Variants in ARID1B observed in about 807,000 individuals in gnomAD.
ARID1B encodes the protein AT-rich interaction domain 1B.
ARID1B carries 30 observed loss-of-function variants against 212.3 expected under a neutral mutation model. The observed-to-expected ratio is 0.14, with a 90% CI of 0.11 to 0.19. The LOEUF (loss-of-function observed/expected upper bound fraction) is 0.19, where lower values mean the gene tolerates loss of function less well. Among genes scored for constraint, ARID1B ranks in the 10% least tolerant of loss-of-function variants. The probability of loss-of-function intolerance (pLI) is 1.00; values close to 1 mark genes in which losing one functional copy is unlikely to be tolerated. For synonymous variants in ARID1B, 1,402 were observed against 1,301.7 expected, an observed-to-expected ratio of 1.08 and a Z score of -1.66; for missense variants, 2,891 against 3,204.0, an observed-to-expected ratio of 0.90 and a Z score of 2.36.
chr6:156,890,486 G>A (rs1787842552), intron 2 of ARID1B, among the ~76,000 whole-genome samples: 1 of 152,274 alleles, frequency 6.6e-6, no homozygotes, highest in East Asian at 1.9e-4. Flanking sequence ...TAAGCTAATG[G>A]GGAGGGTTAA....
At position 156,911,265 on chromosome 6, in the gene ARID1B, A is replaced by G. The variant is rs73576019; in HGVS notation, c.2136+9740A>G. ...TTGTTTCTGGAAAATTTATTATGTC[A>G]TAAGATGATTTTAAGAACACCTTGT... is the stretch of plus-strand genomic sequence containing the variant. On this transcript the variant is annotated intron_variant, in intron 3 of 19. Transcript: ENST00000636930. 7.2e-3 allele frequency among the ~76,000 whole-genome samples: 1,093 copies of G among 151,760 alleles called. 15 individuals are homozygous for G. The highest frequency in any genetic ancestry group is 0.024 in the African/African-American group (1,014 of 41,398).
chr6:157,067,457 A>C (rs1039352134), intron 4 of ARID1B, among the ~76,000 whole-genome samples: 3 of 152,342 alleles, frequency 2.0e-5, no homozygotes, highest in Middle Eastern at 3.4e-3. Context: ...AGAATGGGGT[A>C]CAGTTTCCTT....
rs561357305 is a variant in ARID1B, at chr6:157,182,442, C to T, written c.3714+1264C>T. ...AGCTGTCAGTACCTGGGCTACCACC[C>T]GACATCAATGAAATGAAACCTTCTG... On this transcript the variant is annotated intron_variant, in intron 12 of 19. Coordinates refer to ENST00000636930, the MANE Select transcript of ARID1B (RefSeq NM_001374828.1). Among the ~76,000 whole-genome samples, 9 of 152,228 alleles carry T rather than the reference C, an allele frequency of 5.9e-5. 1 individual carries two copies. The South Asian group carries it at 1.7e-3, about 28-fold the overall frequency.
At chr6:157,071,507 G>C (rs1356251545) in intron 4 of ARID1B, 2 of 151,636 alleles carry the variant, frequency 1.3e-5, no homozygotes, top group African/African-American at 4.8e-5. Context: ...TCTTTGAAAG[G>C]AAAAAAAATA....
At chr6:156,978,738 G>A (rs77669356) in intron 4 of ARID1B, among the ~76,000 whole-genome samples, 2,946 of 152,270 alleles carry the variant, frequency 0.019, 82 homozygotes, top group African/African-American at 0.065. Context: ...TGATTCAAAA[G>A]AGAATATAAT....
chr6:156,875,691 C>T (rs1786490299), intron 2 of ARID1B, among the ~76,000 whole-genome samples: 1 of 152,146 alleles, frequency 6.6e-6, no homozygotes, highest in Non-Finnish European at 1.5e-5. Flanking sequence ...ATGAGTTCCT[C>T]AGGAAAGAAG....
At chr6:157,039,642 C>CTTCT (rs879854593) in intron 4 of ARID1B, among the ~76,000 whole-genome samples, 3 of 122,576 alleles carry the variant, frequency 2.4e-5, no homozygotes, top group African/African-American at 1.0e-4. Context: ...TCCTTCCTTC[C>CTTCT]TTCTTTCCTT....
At chr6:157,112,328 T>C (rs191588640) in intron 6 of ARID1B, among the ~76,000 whole-genome samples, 7 of 152,262 alleles carry the variant, frequency 4.6e-5, no homozygotes, top group South Asian at 2.1e-4. Flanking sequence ...AAGTTTATAG[T>C]GTACTGGTGC....
chr6:156,784,336 G>T lies in ARID1B; in HGVS notation c.1791+4865G>T, dbSNP rs1485219069. ...CCAGGCAAAACTGTTCCTCTACCAAGAATATATTTCTGTATCATAGATGTA... is the reference window on the plus strand; with the variant it reads ...CCAGGCAAAACTGTTCCTCTACCAATAATATATTTCTGTATCATAGATGTA... On this transcript the variant is annotated intron_variant, in intron 1 of 19. Coordinates refer to ENST00000636930, the MANE Select transcript of ARID1B (RefSeq NM_001374828.1). Among the ~76,000 whole-genome samples the T allele has an allele frequency of 2.0e-5, 3 of 152,266 alleles. No homozygotes were observed. The East Asian group carries it at 5.8e-4, about 29-fold the overall frequency.
chr6:157,164,072 A>T (rs1369962914), intron 8 of ARID1B, among the ~76,000 whole-genome samples: 1 of 152,230 alleles, frequency 6.6e-6, no homozygotes, highest in Non-Finnish European at 1.5e-5. Flanking sequence ...TGCACCAGGC[A>T]TGCAGTAAAT....
intron 1 of ARID1B, among the ~76,000 whole-genome samples, chr6:156,791,830 C>T (rs1780030136): frequency 6.6e-6 from 1 of 152,142 alleles, no homozygotes. Context: ...AATTCTGGAA[C>T]CGTGTCCTTT....
intron 4 of ARID1B, among the ~76,000 whole-genome samples, chr6:157,016,069 C>T (rs1375131394): frequency 1.3e-5 from 2 of 152,188 alleles, no homozygotes; most frequent in Non-Finnish European, 2.9e-5. Flanking sequence ...AGTTTAAGTA[C>T]AGTACTTGAG....
At chr6:157,050,841 G>A (rs540632332) in intron 4 of ARID1B, among the ~76,000 whole-genome samples, 5 of 152,266 alleles carry the variant, frequency 3.3e-5, no homozygotes, top group African/African-American at 1.2e-4. Flanking sequence ...AATATTAATA[G>A]ATGCACATAT....
At position 157,094,662 on chromosome 6, in the gene ARID1B, G is replaced by C. The variant is rs1785497465; in HGVS notation, c.2491+9757G>C. On this transcript the variant is annotated intron_variant, in intron 5 of 19. Transcript: ENST00000636930. The surrounding 1 kb of genome is among the most constrained non-coding windows in gnomAD (Gnocchi z 4.3). ...GAGCCACCGCGCCTGGCCGATTTAG[G>C]AGTTTAAGTGTGATGTGATCCCTCT... Among the ~76,000 whole-genome samples, 3 of 152,150 alleles carry C rather than the reference G, an allele frequency of 2.0e-5. No individual in the cohort carries two copies. The highest frequency in any genetic ancestry group is 2.0e-4 in the Admixed American group (3 of 15,280).
chr6:156,933,297 A>C (rs913695975), intron 3 of ARID1B, among the ~76,000 whole-genome samples: 3 of 150,896 alleles, frequency 2.0e-5, no homozygotes, highest in Non-Finnish European at 4.4e-5. Flanking sequence ...TTGGAGGAGG[A>C]GGCGGGGCCT....
intron 2 of ARID1B, among the ~76,000 whole-genome samples, chr6:156,856,672 C>CCTCTCTCTCTCTCTCTCT (rs367924636): frequency 1.9e-4 from 21 of 108,674 alleles, no homozygotes; most frequent in South Asian, 3.2e-4. Flanking sequence ...GCATGCATAT[C>CCTCTCTCTCTCTCTCTCT]CTCTCTCTCT....
rs1778739285 is a variant in ARID1B at position 156,777,871 on chromosome 6, G to C, written c.191G>C (p.Gly64Ala). The change falls in exon 1 of 20, where the codon GGC becomes GCC. Residue 64 changes from glycine (G) to alanine (A), a missense_variant. Coordinates refer to ENST00000636930, the MANE Select transcript of ARID1B (RefSeq NM_001374828.1). ...CCCATGCTGGGGGGCGGCGGCGACG[G>C]CGGCGGCGGCCTGAACAGTGTGCAC... ...PGPMLGGGGDGGGGLNSVHHH... is the reference protein window; with the variant it reads ...PGPMLGGGGDAGGGLNSVHHH... The C allele has an allele frequency of 1.5e-6, 2 of 1,339,918 alleles. No homozygotes were observed. Among genetic ancestry groups the C allele is most frequent in the Non-Finnish European group, 1.9e-6 (2 of 1,051,696 alleles). 83.0% of individuals were successfully genotyped at this position (1,339,918 alleles called of 1,614,324 possible). A position where few individuals can be genotyped will look rare whatever the true frequency, so the allele number is the denominator to read the frequency against.
At chr6:157,165,996 G>T (rs1409794766) in intron 8 of ARID1B, 2 of 151,288 alleles carry the variant, frequency 1.3e-5, no homozygotes, top group Admixed American at 1.3e-4. Context: ...GGTGTCTTTG[G>T]ATTTGTACCC....
At chr6:156,818,834 A>G (rs1215071895) in intron 1 of ARID1B, among the ~76,000 whole-genome samples, 3 of 152,164 alleles carry the variant, frequency 2.0e-5, no homozygotes, top group Admixed American at 2.0e-4. Flanking sequence ...TTGATTAGCA[A>G]TGTCTGTCTT....
Sources: gnomAD v4.1 joint callset for allele counts (sites outside exome capture counted in the v4.1 genomes callset) on GRCh38, gnomAD v4.1.1 for gene constraint, Gnocchi (gnomAD v3.1) non-coding constraint, MANE v1.5 for transcripts, NCBI Gene and HGNC (gene_info 2026-07-23, HGNC 2026-07-21) for gene names.